The following IL1R2 variants were observed in gnomAD, a reference collection of about 807,000 sequenced individuals.
IL1R2 encodes interleukin-1 receptor type 2.
In IL1R2, 46 loss-of-function variants were observed where a neutral mutation model predicts 39.5. The observed-to-expected ratio is 1.16, with a 90% CI of 0.92 to 1.49. IL1R2 has a LOEUF of 1.49. Ranked by LOEUF, IL1R2 falls within the 40% of genes most tolerant of loss-of-function variation. The pLI is 0.00. For missense variants in IL1R2, 537 were observed against 502.0 expected (o/e 1.07, Z -0.67); for synonymous variants, 207 against 189.6 (o/e 1.09, Z -0.75).
chr2:102,018,230 C>A (rs1677132363), intron 4 of IL1R2, among the ~76,000 whole-genome samples: 1 of 152,178 alleles, frequency 6.6e-6, no homozygotes, highest in Non-Finnish European at 1.5e-5. Context: ...GCCCCCAAGC[C>A]CAGCCTAGAA....
In IL1R2 at chr2:102,019,558, G is replaced by A. The variant is rs3218943; in HGVS notation, c.514-80G>A. 885 of 1,013,082 alleles carry A rather than the reference G, an allele frequency of 8.7e-4. 7 individuals carry two copies. The African/African-American group carries it at 0.013, about 14-fold the overall frequency. 62.8% of individuals were successfully genotyped at this position (1,013,082 alleles called of 1,614,324 possible). A position where few individuals can be genotyped will look rare whatever the true frequency, so the allele number is the denominator to read the frequency against. On this transcript the variant is annotated intron_variant, in intron 4 of 8. Coordinates refer to ENST00000332549, the MANE Select transcript of IL1R2 (RefSeq NM_004633.4). Reference sequence around the variant, plus strand: ...TTCTTGGATTGCAAATCCCACATTGGTTGATAATGATGATGTAATTCATAG... The same window carrying A: ...TTCTTGGATTGCAAATCCCACATTGATTGATAATGATGATGTAATTCATAG...
At chr2:102,025,128 G>A (rs1197821335) in intron 7 of IL1R2, among the ~76,000 whole-genome samples, 1 of 152,118 alleles carries the variant, frequency 6.6e-6, no homozygotes, top group African/African-American at 2.4e-5. Flanking sequence ...TTAAAAAAAA[G>A]AAAGAATTCA....
chr2:102,000,516 T>C (rs7561191), intron 1 of IL1R2, among the ~76,000 whole-genome samples: 1 of 151,950 alleles, frequency 6.6e-6, no homozygotes, highest in Non-Finnish European at 1.5e-5. Flanking sequence ...AGGGAGGAAA[T>C]TTTGGGATCC....
chr2:102,015,740 G>T, intron 3 of IL1R2, 131 bp from the exon 4 acceptor site: 1 of 716,510 alleles, frequency 1.4e-6, no homozygotes, highest in South Asian at 1.9e-5. Context: ...TCTTATGTCG[G>T]GAAACCATCT....
rs1041702842 is a variant in IL1R2 at position 102,024,455 on chromosome 2, G to A, written c.752-78G>A. ...TGAGGGGTGTTTGAGAAGCCGAGGA[G>A]GGACTCAGGGCTCAGGTTTGCTGGT... On this transcript the variant is annotated intron_variant, in intron 6 of 8. Transcript: ENST00000332549. 3.0e-6 allele frequency: 3 copies of A among 997,404 alleles called. No individual in the cohort carries two copies. The African/African-American group carries it at 4.8e-5, about 16-fold the overall frequency. 61.8% of individuals were successfully genotyped at this position (997,404 alleles called of 1,614,324 possible).
At chr2:102,012,221 A>T (rs1303360073) in intron 3 of IL1R2, among the ~76,000 whole-genome samples, 2 of 152,152 alleles carry the variant, frequency 1.3e-5, no homozygotes, top group Non-Finnish European at 2.9e-5. Flanking sequence ...GAACTAAGAC[A>T]ACCTTTGGCT....
intron 3 of IL1R2, among the ~76,000 whole-genome samples, chr2:102,012,761 A>G (rs565865871): frequency 1.3e-5 from 2 of 152,330 alleles, no homozygotes; most frequent in Admixed American, 6.5e-5. Flanking sequence ...CTATAAATGC[A>G]TATTTCTTCT....
At chr2:102,002,534 T>C (rs1675939327) in intron 1 of IL1R2, among the ~76,000 whole-genome samples, 1 of 151,766 alleles carries the variant, frequency 6.6e-6, no homozygotes, top group Non-Finnish European at 1.5e-5. Context: ...GGTCTAGGTC[T>C]AGGTCTGTGT....
rs1459960738 is a variant in IL1R2 at position 102,028,248 on chromosome 2, C to A, written c.1053C>A (p.Gly351=). ...VKEASSTFSW[G]IVLAPLSLAF... ...CAGCCTCCTCCACGTTCTCCTGGGG[C>A]ATTGTGCTGGCCCCACTTTCACTGG... is the stretch of plus-strand genomic sequence containing the variant. Residue 351 remains glycine, a synonymous_variant, in exon 9 of 9, where the codon GGC becomes GGA. Transcript: ENST00000332549. 1 of 1,610,456 alleles carries A rather than the reference C, an allele frequency of 6.2e-7. No individual in the cohort carries two copies. Among genetic ancestry groups the A allele is most frequent in the Non-Finnish European group, 8.5e-7 (1 of 1,178,386 alleles).
rs767882698 is a variant in IL1R2, at chr2:102,026,095, TG to T, written c.888-15del. The T allele has an allele frequency of 1.8e-5, 27 of 1,531,594 alleles. No homozygotes were observed. Among genetic ancestry groups the T allele is most frequent in the Middle Eastern group, 3.4e-4 (2 of 5,864 alleles). The allele number at this position is 1,531,594 out of a possible 1,614,324, so 94.9% of individuals were successfully genotyped here. A position where few individuals can be genotyped will look rare whatever the true frequency, so the allele number is the denominator to read the frequency against. On this transcript the variant is annotated splice_polypyrimidine_tract_variant and intron_variant, in intron 7 of 8. Transcript: ENST00000332549. ...TTCGATACAATCATAATTAAGTGAA[TG>T]TTTTTTTAACTCAGGGAATATTCAG...
chr2:102,009,430 A>G, intron 2 of IL1R2, 132 bp from the exon 3 acceptor site: 1 of 1,000,416 alleles, frequency 1.0e-6, no homozygotes, highest in Non-Finnish European at 1.5e-6. Context: ...TTTGTTAGGG[A>G]CAAATGACAT....
rs569985493 is a variant in IL1R2 at position 101,998,288 on chromosome 2, G to A, written c.-62+6277G>A. On this transcript the variant is annotated intron_variant, in intron 1 of 8. Coordinates refer to ENST00000332549, the MANE Select transcript of IL1R2 (RefSeq NM_004633.4). ...TGCTGGTGTCTGCGCTTAAAATCCC[G>A]AAATGGCTGTGTGCTTTGGTTCTCG... 4.2e-4 allele frequency among the ~76,000 whole-genome samples: 64 copies of A among 152,260 alleles called. No homozygotes were observed. In the South Asian group the frequency reaches 0.012, roughly 28 times the overall value.
intron 1 of IL1R2, among the ~76,000 whole-genome samples, chr2:101,999,600 C>A (rs571243609): frequency 2.6e-5 from 4 of 152,144 alleles, no homozygotes; most frequent in Non-Finnish European, 4.4e-5. Context: ...GGGTTTTAGA[C>A]CTGCAAGAGA....
intron 3 of IL1R2, 196 bp downstream of exon 3, chr2:102,010,022 A>T (rs1185378122): frequency 1.6e-6 from 1 of 636,136 alleles, no homozygotes; most frequent in Non-Finnish European, 2.7e-6. Context: ...GTCTTTGCTC[A>T]AATGCCACCT....
At chr2:102,016,144 A>T in intron 4 of IL1R2, 93 bp downstream of exon 4, 1 of 965,926 alleles carries the variant, frequency 1.0e-6, no homozygotes. Context: ...TTCTGAAGAC[A>T]GTGCACACAC....
chr2:102,009,428 G>T (rs1577701608), intron 2 of IL1R2, 134 bp from the exon 3 acceptor site: 2 of 987,992 alleles, frequency 2.0e-6, no homozygotes, highest in Non-Finnish European at 1.5e-6. Flanking sequence ...TTTTTGTTAG[G>T]GACAAATGAC....
chr2:102,002,856 C>T (rs1299799736), intron 1 of IL1R2, among the ~76,000 whole-genome samples: 1 of 151,702 alleles, frequency 6.6e-6, no homozygotes, highest in Non-Finnish European at 1.5e-5. Context: ...ATGTCTGTGT[C>T]TAGGTCTAGG....
At chr2:102,013,549 AAAAGGAAAG>A (rs1676777301) in intron 3 of IL1R2, among the ~76,000 whole-genome samples, 4 of 138,614 alleles carry the variant, frequency 2.9e-5, no homozygotes, top group Non-Finnish European at 4.5e-5. Flanking sequence ...AAAAAAAAAA[AAAAGGAAAG>A]AAAGAAAAGA....
At chr2:102,021,970 G>A (rs755621882) in intron 5 of IL1R2, 12 of 549,562 alleles carry the variant, frequency 2.2e-5, no homozygotes, top group Non-Finnish European at 3.3e-5. Flanking sequence ...GTGTTTGGCT[G>A]TGGCCTCTTC....
Sources: gnomAD v4.1 joint callset for allele counts (sites outside exome capture counted in the v4.1 genomes callset) on GRCh38, gnomAD v4.1.1 for gene constraint, MANE v1.5 for transcripts, NCBI Gene and HGNC (gene_info 2026-07-23, HGNC 2026-07-21) for gene names.